The following ST6GAL2 variants were observed in gnomAD, a reference collection of about 807,000 sequenced individuals.
ST6GAL2 encodes beta-galactoside alpha-2,6-sialyltransferase 2.
A neutral mutation model predicts 37.5 loss-of-function variants in ST6GAL2; 24 were observed. The observed-to-expected ratio is 0.64, with a 90% confidence interval of 0.46 to 0.90. The LOEUF is 0.90. Ranked by LOEUF, ST6GAL2 falls within the 40% of genes least tolerant of loss-of-function variation. The pLI is 0.00. For synonymous variants in ST6GAL2, 306 were observed against 295.1 expected (o/e 1.04, Z -0.38); for missense variants, 715 against 712.7 (o/e 1.00, Z -0.04).
intron 1 of ST6GAL2, among the ~76,000 whole-genome samples, chr2:106,872,327 C>T (rs1331152462): frequency 6.6e-6 from 1 of 152,298 alleles, no homozygotes; most frequent in East Asian, 1.9e-4. Flanking sequence ...TGAGTTTGTG[C>T]TTATGTTGTG....
chr2:106,865,184 G>T, intron 1 of ST6GAL2, among the ~76,000 whole-genome samples: 1 of 152,186 alleles, frequency 6.6e-6, no homozygotes, highest in East Asian at 1.9e-4. Context: ...TGAGTGTGAA[G>T]TATTTGCCAT....
intron 2 of ST6GAL2, among the ~76,000 whole-genome samples, chr2:106,839,240 C>T (rs2104501650): frequency 6.6e-6 from 1 of 152,206 alleles, no homozygotes; most frequent in East Asian, 1.9e-4. Flanking sequence ...CTGTAGCTCT[C>T]ACCACCTGCA....
chr2:106,833,134 AAAATT>A (rs1365669413), intron 3 of ST6GAL2, among the ~76,000 whole-genome samples: 1 of 152,130 alleles, frequency 6.6e-6, no homozygotes, highest in Non-Finnish European at 1.5e-5. Context: ...TCATCTTTTT[AAAATT>A]ATTATTTCAG....
intron 2 of ST6GAL2, among the ~76,000 whole-genome samples, chr2:106,841,538 C>T (rs1676884248): frequency 6.6e-6 from 1 of 152,164 alleles, no homozygotes. Flanking sequence ...ATGAATGAGC[C>T]TAAAGGGCCA....
chr2:106,848,648 A>G (rs1414619716), intron 1 of ST6GAL2, among the ~76,000 whole-genome samples: 1 of 152,228 alleles, frequency 6.6e-6, no homozygotes, highest in African/African-American at 2.4e-5. Context: ...TGGTTTGACG[A>G]GTCAAGAAGC....
At chr2:106,810,628 CA>C (rs1355632905) in intron 5 of ST6GAL2, among the ~76,000 whole-genome samples, 1 of 151,536 alleles carries the variant, frequency 6.6e-6, no homozygotes, top group African/African-American at 2.4e-5. Flanking sequence ...AGGCATCTTC[CA>C]AAAAAAAGGA....
chr2:106,834,278 A>G (rs1319159411), intron 2 of ST6GAL2, 132 bp from the exon 3 acceptor site: 5 of 633,130 alleles, frequency 7.9e-6, no homozygotes, highest in Non-Finnish European at 1.4e-5. Context: ...ATATGCCCAC[A>G]TGATTTTCAG....
Position 106,804,434 on chromosome 2 carries a change from G to A in ST6GAL2, c.*2244C>T, listed in dbSNP as rs897318352. On this transcript the variant is annotated 3_prime_UTR_variant, in exon 6 of 6. Transcript: ENST00000409382. ...TCTGGAAGATCTAGAAAGATCCAAG[G>A]AGGGTAGGGAGTAATATTCATCCAC... 5 of 152,324 alleles carry A rather than the reference G, an allele frequency of 3.3e-5. No individual in the cohort carries two copies. Among genetic ancestry groups the A allele is most frequent in the African/African-American group, 1.2e-4 (5 of 41,574 alleles). The allele number at this position is 152,324 out of a possible 1,614,324, so 9.4% of individuals were successfully genotyped here. A position where few individuals can be genotyped will look rare whatever the true frequency, so the allele number is the denominator to read the frequency against.
At position 106,836,812 on chromosome 2, in the gene ST6GAL2, T is replaced by C. The variant is rs1335367588; in HGVS notation, c.944-2666A>G. Among the ~76,000 whole-genome samples the C allele has an allele frequency of 2.1e-5, 3 of 140,760 alleles. No individual in the cohort carries two copies. The East Asian group carries it at 6.2e-4, about 29-fold the overall frequency. The allele number at this position is 140,760 out of a possible 152,430, so 92.3% of individuals were successfully genotyped here. ...AAAAAAAAAAATTAGCTGGGCGTGG[T>C]GGTGCATGCCTGTAATCCCAGCTAC... On this transcript the variant is annotated intron_variant, in intron 2 of 5. Transcript: ENST00000409382.
At chr2:106,861,305 G>A (rs1217895431) in intron 1 of ST6GAL2, among the ~76,000 whole-genome samples, 1 of 152,032 alleles carries the variant, frequency 6.6e-6, no homozygotes, top group African/African-American at 2.4e-5. Context: ...TTTCCTTACT[G>A]CCCTAACCTC....
chr2:106,817,428 C>T (rs767941665), intron 5 of ST6GAL2, among the ~76,000 whole-genome samples: 2 of 152,206 alleles, frequency 1.3e-5, no homozygotes, highest in Non-Finnish European at 2.9e-5. Flanking sequence ...GCCCCCATTC[C>T]AGGCCCTAGC....
chr2:106,868,188 A>G (rs1284370939), intron 1 of ST6GAL2, among the ~76,000 whole-genome samples: 1 of 152,222 alleles, frequency 6.6e-6, no homozygotes, highest in Non-Finnish European at 1.5e-5. Context: ...AAAAGGAACC[A>G]GATCATTTAC....
At chr2:106,869,609 G>T (rs1678178276) in intron 1 of ST6GAL2, among the ~76,000 whole-genome samples, 1 of 152,270 alleles carries the variant, frequency 6.6e-6, no homozygotes, top group South Asian at 2.1e-4. Context: ...CAGAAGCAGG[G>T]CCTTCAAAGC....
intron 5 of ST6GAL2, among the ~76,000 whole-genome samples, chr2:106,821,875 T>C (rs554489727): frequency 6.6e-6 from 1 of 152,116 alleles, no homozygotes; most frequent in Non-Finnish European, 1.5e-5. Context: ...AATCAATCAA[T>C]GTGATACATT....
chr2:106,838,563 C>G (rs1390273300), intron 2 of ST6GAL2, among the ~76,000 whole-genome samples: 2 of 152,208 alleles, frequency 1.3e-5, no homozygotes, highest in South Asian at 4.1e-4. Flanking sequence ...CAGTGACTAT[C>G]TGCAATGGCT....
At chr2:106,867,108 TTTTG>T (rs1678060867) in intron 1 of ST6GAL2, among the ~76,000 whole-genome samples, 1 of 151,938 alleles carries the variant, frequency 6.6e-6, no homozygotes, top group Non-Finnish European at 1.5e-5. Context: ...GGGCAAAACA[TTTTG>T]TTTTAGTACC....
chr2:106,854,290 C>T (rs991370615), intron 1 of ST6GAL2, among the ~76,000 whole-genome samples: 1 of 152,134 alleles, frequency 6.6e-6, no homozygotes, highest in African/African-American at 2.4e-5. Context: ...TTTGGATAAG[C>T]CTTAATTTCG....
intron 1 of ST6GAL2, among the ~76,000 whole-genome samples, chr2:106,844,317 C>T (rs924147621): frequency 1.3e-5 from 2 of 152,014 alleles, no homozygotes; most frequent in Non-Finnish European, 2.9e-5. Flanking sequence ...AAAATCCTCC[C>T]CATGTGACTC....
intron 1 of ST6GAL2, among the ~76,000 whole-genome samples, chr2:106,868,111 T>G (rs926397283): frequency 6.6e-6 from 1 of 152,208 alleles, no homozygotes; most frequent in Non-Finnish European, 1.5e-5. Flanking sequence ...CTAATGATAC[T>G]AGCCACAAAT....
Sources: allele counts gnomAD v4.1 joint callset (sites outside exome capture counted in the v4.1 genomes callset), GRCh38; gene constraint gnomAD v4.1.1; transcripts MANE v1.5; gene names NCBI Gene and HGNC (gene_info 2026-07-23, HGNC 2026-07-21).